NEBL: variants seen among roughly 807,000 people sequenced by gnomAD.
The protein encoded by NEBL is LIM and SH3 protein 2.
NEBL carries 122 observed loss-of-function variants against 140.2 expected under a neutral mutation model. The ratio of observed to expected loss-of-function variants is 0.87; its 90% CI spans 0.75 to 1.01. NEBL has a LOEUF of 1.01. Ranked by LOEUF, NEBL falls within the 50% of genes least tolerant of loss-of-function variation. The pLI is 0.00. For synonymous variants in NEBL, 436 were observed against 398.9 expected (o/e 1.09, Z -1.11); for missense variants, 1,365 against 1,231.3 (o/e 1.11, Z -1.62).
At chr10:21,061,486 T>G (rs1464968790) in intron 2 of NEBL, among the ~76,000 whole-genome samples, 1 of 148,090 alleles carries the variant, frequency 6.8e-6, no homozygotes, top group Admixed American at 6.8e-5. Context: ...TATTACATCA[T>G]ATATGATATA....
chr10:21,126,092 C>T (rs1041668428), intron 2 of NEBL: 1 of 1,613,370 alleles, frequency 6.2e-7, no homozygotes, highest in Non-Finnish European at 8.5e-7. Context: ...GGCCTCAGGC[C>T]CTTCTCGGCT....
chr10:20,793,259 A>C (rs1836174652), intron 26 of NEBL: 1 of 737,872 alleles, frequency 1.4e-6, no homozygotes, highest in African/African-American at 1.9e-5. Flanking sequence ...TTTTAAAGAC[A>C]TGCCTAATCA....
In NEBL at chr10:20,826,487, T is replaced by C; in HGVS notation, c.1829A>G (p.Glu610Gly). 6.2e-7 allele frequency: 1 copy of C among 1,613,102 alleles called. No individual in the cohort carries two copies. Reference protein sequence around the residue: ...GAGTAVKDSPEIERVKKNQQN... With the variant: ...GAGTAVKDSPGIERVKKNQQN... ...CTGATTTTTCTTCACTCGTTCGATC[T>C]CTGGGCTATCTTTCACTGCAGTGCC... Residue 610 changes from glutamate to glycine, a missense_variant, in exon 18 of 28, where the codon GAG (glutamate) becomes GGG (glycine). Physicochemically the swap from Glu to Gly is moderately conservative, Grantham distance 98 (BLOSUM62 -2). Around this residue, in one of 2 missense-constraint regions of NEBL, gnomAD observed 1,323 missense variants for 1,154.8 expected, o/e 1.15. Transcript: ENST00000377122.
At chr10:20,874,792 T>A (rs1355808879) in intron 5 of NEBL, among the ~76,000 whole-genome samples, 1 of 152,212 alleles carries the variant, frequency 6.6e-6, no homozygotes, top group Non-Finnish European at 1.5e-5. Flanking sequence ...CAGGCTGAAG[T>A]GCAGTGGCAT....
chr10:20,867,368 C>T (rs117719529), intron 7 of NEBL, among the ~76,000 whole-genome samples: 126 of 152,228 alleles, frequency 8.3e-4, no homozygotes, highest in Non-Finnish European at 1.2e-3. Context: ...TCATCATTTA[C>T]ATCTCTCCAC....
At chr10:21,030,392 G>A (rs1000800994) in intron 2 of NEBL, 104 of 613,670 alleles carry the variant, frequency 1.7e-4, no homozygotes, top group Non-Finnish European at 2.1e-4. Flanking sequence ...GAGAGAGACT[G>A]AAAAGTCTCT....
intron 2 of NEBL, among the ~76,000 whole-genome samples, chr10:21,033,247 A>C (rs1419038535): frequency 6.6e-6 from 1 of 152,224 alleles, no homozygotes; most frequent in East Asian, 1.9e-4. Context: ...ACTCTGAAAA[A>C]TATCAAAACA....
intron 2 of NEBL, among the ~76,000 whole-genome samples, chr10:21,169,094 ATATATATATATATTTG>A: frequency 8.5e-6 from 1 of 118,268 alleles, no homozygotes; most frequent in East Asian, 2.4e-4. Context: ...ATATATATAT[ATATATATATATATTTG>A]GACATATAAT....
chr10:20,805,351 A>G (rs1459266858), intron 26 of NEBL, among the ~76,000 whole-genome samples: 4 of 152,222 alleles, frequency 2.6e-5, no homozygotes, highest in Admixed American at 1.3e-4. Flanking sequence ...GCATATTCCA[A>G]TGTATCCTAA....
intron 3 of NEBL, among the ~76,000 whole-genome samples, chr10:20,991,707 T>C (rs1457732318): frequency 2.0e-5 from 3 of 152,068 alleles, no homozygotes; most frequent in African/African-American, 7.2e-5. Context: ...AATGACCTCA[T>C]TGCCCAGGTA....
intron 2 of NEBL, among the ~76,000 whole-genome samples, chr10:21,100,775 C>T (rs1300389835): frequency 6.6e-6 from 1 of 152,242 alleles, no homozygotes; most frequent in African/African-American, 2.4e-5. Flanking sequence ...TCCATGACTC[C>T]GTTTCTTCCC....
upstream of NEBL, chr10:20,899,268 T>A (rs788976): frequency 0.27 from 116,104 of 423,004 alleles, 16,671 homozygotes; most frequent in East Asian, 0.47. Context: ...TTTCTAGGAG[T>A]GTAGGGAGAA....
intron 3 of NEBL, among the ~76,000 whole-genome samples, chr10:20,967,898 G>A (rs1344621031): frequency 1.3e-5 from 2 of 152,152 alleles, no homozygotes; most frequent in East Asian, 1.9e-4. Flanking sequence ...AAGCAGGGAC[G>A]CAGTTTTAAA....
chr10:21,237,837 C>G (rs1166046936), intron 3 of NEBL, among the ~76,000 whole-genome samples: 1 of 152,152 alleles, frequency 6.6e-6, no homozygotes, highest in Non-Finnish European at 1.5e-5. Flanking sequence ...GAACTCCTGA[C>G]CTCAGGTGAT....
intron 3 of NEBL, among the ~76,000 whole-genome samples, chr10:21,218,474 T>C (rs1262662285): frequency 4.0e-5 from 6 of 151,896 alleles, no homozygotes; most frequent in Non-Finnish European, 7.4e-5. Flanking sequence ...ATAAAATTTT[T>C]TTATCTTTGC....
intron 2 of NEBL, chr10:21,146,620 A>C: frequency 1.4e-6 from 1 of 720,998 alleles, no homozygotes; most frequent in Non-Finnish European, 2.3e-6. Context: ...CTTAGTAACA[A>C]ACACATTTGA....
At chr10:20,850,371 T>C in intron 11 of NEBL, 24 bp downstream of exon 11, 1 of 1,479,706 alleles carries the variant, frequency 6.8e-7, no homozygotes, top group Non-Finnish European at 9.5e-7. Context: ...CATTAAACAA[T>C]TAGTAACAAA....
chr10:20,931,984 A>C (rs1190690546), intron 4 of NEBL, among the ~76,000 whole-genome samples: 2 of 152,184 alleles, frequency 1.3e-5, no homozygotes. Context: ...ATCTAAGCTA[A>C]CTGGCCACAC....
chr10:21,208,895 C>T (rs1215872645), intron 3 of NEBL, among the ~76,000 whole-genome samples: 1 of 152,182 alleles, frequency 6.6e-6, no homozygotes, highest in Non-Finnish European at 1.5e-5. Context: ...CCTCACCCTT[C>T]CAGCAAGGAG....
Sources: gnomAD v4.1 joint callset for allele counts (sites outside exome capture counted in the v4.1 genomes callset) on GRCh38, gnomAD v4.1.1 for gene constraint, gnomAD v4.1.1 regional missense constraint, MANE v1.5 for transcripts, NCBI Gene and HGNC (gene_info 2026-07-23, HGNC 2026-07-21) for gene names.